The following RCOR2 variants were observed in gnomAD, a reference collection of about 807,000 sequenced individuals.
The protein encoded by RCOR2 is REST corepressor 2.
RCOR2 carries 19 observed loss-of-function variants against 58.9 expected under a neutral mutation model. The observed-to-expected ratio is 0.32, with a 90% CI of 0.23 to 0.47. RCOR2 has a LOEUF of 0.47. Among genes scored for constraint, RCOR2 ranks in the 20% least tolerant of loss-of-function variants. RCOR2 has a pLI of 1.00. For synonymous variants in RCOR2, 286 were observed against 278.7 expected, an observed-to-expected ratio of 1.03 and a Z score of -0.26; for missense variants, 590 against 707.9, an observed-to-expected ratio of 0.83 and a Z score of 1.89.
chr11:63,919,745 G>T (rs1318458314), upstream of RCOR2, among the ~76,000 whole-genome samples: 1 of 152,200 alleles, frequency 6.6e-6, no homozygotes, highest in Admixed American at 6.5e-5. Context: ...CGAGCCGGAG[G>T]GCTCCCGGGA....
chr11:63,926,559 T>C, the RCOR2 span, among the ~76,000 whole-genome samples: 1 of 149,982 alleles, frequency 6.7e-6, no homozygotes, highest in African/African-American at 2.5e-5. Context: ...TGATCTCGGC[T>C]CACCACAACC....
In RCOR2 at chr11:63,916,490, C is replaced by G; in HGVS notation, c.-34G>C. 6.3e-7 allele frequency: 1 copy of G among 1,590,904 alleles called. No individual in the cohort carries two copies. The highest frequency in any genetic ancestry group is 8.5e-7 in the Non-Finnish European group (1 of 1,170,444). On this transcript the variant is annotated 5_prime_UTR_variant, in exon 1 of 12. Coordinates refer to ENST00000301459, the MANE Select transcript of RCOR2 (RefSeq NM_173587.4). ...CCAGCTGCCCCGGGGGGCGCAGGAG[C>G]CTTCGGAGAGCGACAGTGGTTGCCG... is the stretch of plus-strand genomic sequence containing the variant.
rs1378665702 is a variant in RCOR2, at chr11:63,914,081, G to A, written c.764C>T (p.Thr255Ile). The part of the protein sequence containing the change: ...VSQYRHHPLR[T>I]RRRPPKGMYL... ...CATGCCCTTGGGTGGGCGACGCCGG[G>A]TTCGCAAGGGATGGTGGCGGTACTG... The change falls in exon 8 of 12, where the codon ACC (threonine) becomes ATC (isoleucine). Residue 255 changes from threonine (T) to isoleucine (I), a missense_variant. Physicochemically the swap from Thr to Ile is moderately conservative, Grantham distance 89. This residue lies in a region of RCOR2 where 390 missense variants were observed against 478.7 expected (regional missense o/e 0.81). Transcript: ENST00000301459. 1.9e-6 allele frequency: 3 copies of A among 1,613,984 alleles called. No homozygotes were observed. The highest frequency in any genetic ancestry group is 1.7e-5 in the Admixed American group (1 of 60,034).
chr11:63,912,244 G>A, intron 11 of RCOR2, 61 bp downstream of exon 11: 2 of 1,599,958 alleles, frequency 1.3e-6, no homozygotes, highest in Non-Finnish European at 1.7e-6. Context: ...TAAGGACCAA[G>A]GCGGCGCCTC....
In RCOR2 at chr11:63,911,897, T is replaced by C. The variant is rs320108; in HGVS notation, c.1540A>G (p.Thr514Ala). The C allele has an allele frequency of 0.99, 1,125,624 of 1,137,830 alleles. 557,752 individuals are homozygous for C. The highest frequency in any genetic ancestry group is 1 in the East Asian group (36,110 of 36,112). 70.5% of individuals were successfully genotyped at this position (1,137,830 alleles called of 1,614,324 possible). A position where few individuals can be genotyped will look rare whatever the true frequency, so the allele number is the denominator to read the frequency against. ...GAGGGTGCTGGGGGCTCCAGAGGGG[T>C]TCCAATCAGGGTGGGTGGGGGCTGA... ...GPQPPPTLIG[T>A]PLEPPAPSL The change falls in exon 12 of 12, where the codon ACC (threonine) becomes GCC (alanine). Residue 514 changes from threonine to alanine, a missense_variant. Thr to Ala is a moderately conservative substitution (Grantham distance 58). This residue lies in a region of RCOR2 where 196 missense variants were observed against 210.7 expected (regional missense o/e 0.93). Transcript: ENST00000301459.
In RCOR2 at chr11:63,916,519, TC is replaced by T; in HGVS notation, c.-64del. On this transcript the variant is annotated 5_prime_UTR_variant, in exon 1 of 12. Transcript: ENST00000301459. ...CGGAGAGCGACAGTGGTTGCCGCAC[TC>T]GCTCCGAGTGCCGAGCCCGGCCCGG... 3 of 1,539,146 alleles carry T rather than the reference TC, an allele frequency of 1.9e-6. No homozygotes were observed. Among genetic ancestry groups the T allele is most frequent in the Non-Finnish European group, 1.7e-6 (2 of 1,145,728 alleles).
the RCOR2 span, among the ~76,000 whole-genome samples, chr11:63,926,017 C>T: frequency 6.6e-6 from 1 of 152,132 alleles, no homozygotes; most frequent in African/African-American, 2.4e-5. Context: ...TCAAGCAATT[C>T]TCCTGCCTCG....
At chr11:63,919,177 G>A (rs1941899791), upstream of RCOR2, among the ~76,000 whole-genome samples, 1 of 152,048 alleles carries the variant, frequency 6.6e-6, no homozygotes, top group Admixed American at 6.5e-5. Flanking sequence ...AGGAGTTTGG[G>A]GGCGACTGTG....
chr11:63,925,763 T>A, the RCOR2 span, among the ~76,000 whole-genome samples: 1 of 147,834 alleles, frequency 6.8e-6, no homozygotes, highest in Non-Finnish European at 1.5e-5. Context: ...AGTGTGCCAC[T>A]GCACTCCAGC....
At chr11:63,922,076 C>T (rs1941918531), upstream of RCOR2, among the ~76,000 whole-genome samples, 1 of 152,116 alleles carries the variant, frequency 6.6e-6, no homozygotes, top group Admixed American at 6.5e-5. Context: ...CCCCTAATCC[C>T]ACCCTGCATG....
upstream of RCOR2, among the ~76,000 whole-genome samples, chr11:63,921,745 C>T (rs1941916830): frequency 6.6e-6 from 1 of 152,202 alleles, no homozygotes; most frequent in Non-Finnish European, 1.5e-5. Context: ...CCCAGCAGGG[C>T]CCCCTCTGCC....
Position 63,914,718 on chromosome 11 carries a change from G to C in RCOR2, c.417C>G (p.Asp139Glu). The change falls in exon 5 of 12, where the codon GAC becomes GAG. Residue 139 changes from aspartate to glutamate, a missense_variant. Around this residue, in one of 3 missense-constraint regions of RCOR2, gnomAD observed 390 missense variants for 478.7 expected, o/e 0.81. Transcript: ENST00000301459. ...CAAAGGCCTGTTCAAACAGCACCTT[G>C]TCCTCTACTGTCCACTCGTCAGGGA... ...TPFPDEWTVE[D>E]KVLFEQAFGF... The C allele has an allele frequency of 6.2e-7, 1 of 1,613,368 alleles. No individual in the cohort carries two copies. The highest frequency in any genetic ancestry group is 1.1e-5 in the South Asian group (1 of 91,044).
At chr11:63,921,104 G>A (rs1436472048), upstream of RCOR2, among the ~76,000 whole-genome samples, 1 of 152,212 alleles carries the variant, frequency 6.6e-6, no homozygotes, top group African/African-American at 2.4e-5. Flanking sequence ...CCCACGTGGG[G>A]GAAATCTGAT....
In RCOR2 at chr11:63,914,134, G is replaced by A; in HGVS notation, c.711C>T (p.Gly237=). The change falls in exon 8 of 12, where the codon GGC becomes GGT. Residue 237 remains glycine (G), a synonymous_variant. Coordinates refer to ENST00000301459, the MANE Select transcript of RCOR2 (RefSeq NM_173587.4). ...LPSRPLNARP[G]PGKKEVQVSQ... ...ACACCTGGACCTCCTTTTTCCCAGG[G>A]CCTGGGCGTGCATTCAGGGGCCGAG... 1 of 1,613,916 alleles carries A rather than the reference G, an allele frequency of 6.2e-7. No homozygotes were observed. Among genetic ancestry groups the A allele is most frequent in the Non-Finnish European group, 8.5e-7 (1 of 1,180,026 alleles).
chr11:63,912,758 C>T, intron 9 of RCOR2, 25 bp from the exon 10 acceptor site: 1 of 1,613,562 alleles, frequency 6.2e-7, no homozygotes, highest in Non-Finnish European at 8.5e-7. Context: ...ACAACATATC[C>T]TTTAGACTCA....
At chr11:63,913,162 T>TATATATATATATATATATATA (rs1491119458) in intron 8 of RCOR2, among the ~76,000 whole-genome samples, 1 of 68,224 alleles carries the variant, frequency 1.5e-5, no homozygotes, top group African/African-American at 4.8e-5. Flanking sequence ...TTTTTATTTT[T>TATATATATATATATATATATA]TATATATATA....
At chr11:63,920,246 G>A (rs1941907330), upstream of RCOR2, among the ~76,000 whole-genome samples, 1 of 152,230 alleles carries the variant, frequency 6.6e-6, no homozygotes, top group African/African-American at 2.4e-5. Context: ...GCTTCTCTGC[G>A]CTCTGCCTGC....
chr11:63,911,944 CG>C lies in RCOR2; in HGVS notation c.1492del (p.Arg498AlafsTer14). ...CTGAGGGCCAGGGCGGGCGCTGTGG[CG>C]GGGGGCAGCCAGAGCGGGGCGGATG... ...PLIRPALAAP[R>X]HSARPGPQPP... On this transcript the variant is annotated frameshift_variant, in exon 12 of 12. Transcript: ENST00000301459. LOFTEE classifies it high-confidence loss of function. 1.8e-5 allele frequency: 12 copies of C among 662,980 alleles called. No homozygotes were observed. The highest frequency in any genetic ancestry group is 2.3e-5 in the South Asian group (1 of 43,070). 41.1% of individuals were successfully genotyped at this position (662,980 alleles called of 1,614,324 possible). A position where few individuals can be genotyped will look rare whatever the true frequency, so the allele number is the denominator to read the frequency against.
chr11:63,913,332 G>A lies in RCOR2; in HGVS notation c.892-385C>T, dbSNP rs1421010631. Among the ~76,000 whole-genome samples the A allele has an allele frequency of 1.5e-4, 22 of 150,410 alleles. No individual in the cohort carries two copies. The South Asian group carries it at 1.5e-3, about 10-fold the overall frequency. ...CTCCTGAGTAGCTGGGATTACAAGC[G>A]CCTGCTACCACACCTGGCTAATTTT... On this transcript the variant is annotated intron_variant, in intron 8 of 11. Transcript: ENST00000301459.
Sources: allele counts gnomAD v4.1 joint callset (sites outside exome capture counted in the v4.1 genomes callset), GRCh38; gene constraint gnomAD v4.1.1; regional missense constraint gnomAD v4.1.1; transcripts MANE v1.5; gene names NCBI Gene and HGNC (gene_info 2026-07-23, HGNC 2026-07-21).